The following MUC7 variants were observed in gnomAD, a reference collection of about 807,000 sequenced individuals.
MUC7 encodes mucin 7, secreted.
Under a neutral mutation model 2.5 loss-of-function variants are expected in MUC7, and 2 were observed. The ratio of observed to expected loss-of-function variants is 0.81; its 90% CI spans 0.33 to 2.55. MUC7 has a LOEUF of 2.55. MUC7 is among the 30% of genes most tolerant of loss of function. The probability of loss-of-function intolerance (pLI) is 0.11; values close to 1 mark genes in which losing one functional copy is unlikely to be tolerated. For synonymous variants in MUC7, 133 were observed against 173.4 expected (o/e 0.77, Z 1.83); for missense variants, 408 against 455.6 (o/e 0.90, Z 0.95).
intron 1 of MUC7, among the ~76,000 whole-genome samples, chr4:70,434,791 G>T (rs1332737743): frequency 6.6e-6 from 1 of 152,118 alleles, no homozygotes; most frequent in Non-Finnish European, 1.5e-5. Flanking sequence ...TCTTTTAATT[G>T]TGATGTGAGG....
intron 2 of MUC7, among the ~76,000 whole-genome samples, chr4:70,475,295 A>G (rs1734964613): frequency 6.6e-6 from 1 of 152,142 alleles, no homozygotes; most frequent in African/African-American, 2.4e-5. Context: ...AAAAAAAAGA[A>G]AGAAATGAAC....
chr4:70,481,752 G>C lies in MUC7; in HGVS notation c.1008G>C (p.Ser336=), dbSNP rs772729062. Residue 336 remains serine, a synonymous_variant, in exon 3 of 3, where the codon TCG becomes TCC. Transcript: ENST00000304887. ...SAAPTHQTTT[S]VTTQTTTTKQ... ...CACCCACACACCAGACTACTACTTCGGTCACTACTCAAACTACTACTACTA... is the reference window on the plus strand; with the variant it reads ...CACCCACACACCAGACTACTACTTCCGTCACTACTCAAACTACTACTACTA... 1 of 1,613,958 alleles carries C rather than the reference G, an allele frequency of 6.2e-7. No homozygotes were observed. The highest frequency in any genetic ancestry group is 1.7e-5 in the Admixed American group (1 of 59,990).
At chr4:70,435,242 G>A (rs991804066) in intron 1 of MUC7, among the ~76,000 whole-genome samples, 3 of 152,190 alleles carry the variant, frequency 2.0e-5, no homozygotes, top group African/African-American at 7.2e-5. Flanking sequence ...CCAGAGCTGA[G>A]TTCAAGTCCT....
intron 1 of MUC7, among the ~76,000 whole-genome samples, chr4:70,449,538 G>A (rs1218852405): frequency 1.3e-5 from 2 of 152,148 alleles, no homozygotes; most frequent in Non-Finnish European, 2.9e-5. Context: ...ATTTGGGCAA[G>A]GACACAGCCA....
intron 1 of MUC7, among the ~76,000 whole-genome samples, chr4:70,453,236 C>T (rs1431188848): frequency 6.6e-6 from 1 of 152,210 alleles, no homozygotes; most frequent in Non-Finnish European, 1.5e-5. Context: ...CCTCAGGCCC[C>T]AGGTGGGTCC....
chr4:70,481,915 G>T lies in MUC7; in HGVS notation c.*37G>T, dbSNP rs1449702887. The T allele has an allele frequency of 6.3e-7, 1 of 1,589,356 alleles. No homozygotes were observed. The highest frequency in any genetic ancestry group is 8.6e-7 in the Non-Finnish European group (1 of 1,167,938). Reference sequence around the variant, plus strand: ...TTGTAAAGTGTTCTGTCATTTACAAGATGTGATTCATGAGTGCAGAACTAC... The same window carrying T: ...TTGTAAAGTGTTCTGTCATTTACAATATGTGATTCATGAGTGCAGAACTAC... On this transcript the variant is annotated 3_prime_UTR_variant, in exon 3 of 3. Transcript: ENST00000304887.
At chr4:70,450,863 A>AGGTAAGAAGGGGTCTTACCTTACC (rs1734262027) in intron 1 of MUC7, among the ~76,000 whole-genome samples, 1 of 151,972 alleles carries the variant, frequency 6.6e-6, no homozygotes, top group Admixed American at 6.6e-5. Context: ...TCTCTCCTTA[A>AGGTAAGAAGGGGTCTTACCTTACC]ATGGTAAGAA....
At chr4:70,430,745 T>A (rs2109782459) in intron 1 of MUC7, 1 of 152,284 alleles carries the variant, frequency 6.6e-6, no homozygotes, top group Middle Eastern at 3.4e-3. Flanking sequence ...AGGTTATTTT[T>A]TTAAGCATTG....
intron 1 of MUC7, among the ~76,000 whole-genome samples, chr4:70,451,064 C>T (rs1734267784): frequency 6.6e-6 from 1 of 152,164 alleles, no homozygotes; most frequent in Admixed American, 6.5e-5. Context: ...TTCTAGTTTA[C>T]TTGGAGACAC....
At position 70,475,756 on chromosome 4, in the gene MUC7, A is replaced by C. The variant is rs552531327; in HGVS notation, c.54+1681A>C. ...TTTGACAAAATTTCAAATAAGAATC[A>C]AGAAGTGGAATGTACTTTTTTATTG... On this transcript the variant is annotated intron_variant, in intron 2 of 2. Transcript: ENST00000304887. Among the ~76,000 whole-genome samples the C allele has an allele frequency of 1.8e-4, 28 of 152,350 alleles. 1 individual carries two copies. The South Asian group carries it at 4.6e-3, about 25-fold the overall frequency.
rs548132829 is a variant in MUC7 at position 70,437,850 on chromosome 4, C to G, written c.-93+7163C>G. Among the ~76,000 whole-genome samples, 294 of 152,006 alleles carry G rather than the reference C, an allele frequency of 1.9e-3. 1 individual carries two copies. The highest frequency in any genetic ancestry group is 3.5e-3 in the Non-Finnish European group (238 of 67,980). On this transcript the variant is annotated intron_variant, in intron 1 of 3. Coordinates refer to the MUC7 transcript ENST00000413702. ...ACTGGAGCTGTTCCTATTTGGCTACCTTGGAAGTGACTCCAGGGAGCTGCT... is the reference window on the plus strand; with the variant it reads ...ACTGGAGCTGTTCCTATTTGGCTACGTTGGAAGTGACTCCAGGGAGCTGCT...
chr4:70,466,285 G>T (rs1318529725), intron 1 of MUC7, among the ~76,000 whole-genome samples: 2 of 152,152 alleles, frequency 1.3e-5, no homozygotes, highest in South Asian at 2.1e-4. Context: ...GGAATAACCA[G>T]TACCAGCCAC....
In MUC7 at chr4:70,473,532, G is replaced by A. The variant is rs573555962; in HGVS notation, c.-15-475G>A. ...TTGGAGGAAGAGTCCATTTGACCTGGTTCTTTGTTCCAAGTGACAGCCTTA... is the reference window on the plus strand; with the variant it reads ...TTGGAGGAAGAGTCCATTTGACCTGATTCTTTGTTCCAAGTGACAGCCTTA... On this transcript the variant is annotated intron_variant, in intron 1 of 2. Coordinates refer to ENST00000304887, the MANE Select transcript of MUC7 (RefSeq NM_152291.3). Among the ~76,000 whole-genome samples, 9 of 152,210 alleles carry A rather than the reference G, an allele frequency of 5.9e-5. No individual in the cohort carries two copies. The South Asian group carries it at 1.9e-3, about 32-fold the overall frequency.
At chr4:70,452,109 T>TATA (rs1577904021) in intron 1 of MUC7, among the ~76,000 whole-genome samples, 1 of 152,214 alleles carries the variant, frequency 6.6e-6, no homozygotes. Context: ...ATAGAATATA[T>TATA]ATTTTCATTC....
chr4:70,450,230 T>G (rs1197477923), intron 1 of MUC7, among the ~76,000 whole-genome samples: 3 of 152,194 alleles, frequency 2.0e-5, no homozygotes, highest in Non-Finnish European at 4.4e-5. Flanking sequence ...CCATAGCCAC[T>G]GCCACCCCAG....
chr4:70,480,835 C>A lies in MUC7; in HGVS notation c.91C>A (p.His31Asn). 2 of 1,614,018 alleles carry A rather than the reference C, an allele frequency of 1.2e-6. No homozygotes were observed. Among genetic ancestry groups the A allele is most frequent in the Non-Finnish European group, 1.7e-6 (2 of 1,179,914 alleles). The stretch of plus-strand genomic sequence containing the variant: ...TCGAGAAAGGGATCATGAACTACGT[C>A]ACAGAAGGCATCATCACCAATCACC... ...EGRERDHELR[H>N]RRHHHQSPKS... The change falls in exon 3 of 3, where the codon CAC (histidine) becomes AAC (asparagine). Residue 31 changes from histidine to asparagine, a missense_variant. By Grantham distance (68) the His-to-Asn change is moderately conservative (BLOSUM62 1). Coordinates refer to ENST00000304887, the MANE Select transcript of MUC7 (RefSeq NM_152291.3).
At chr4:70,438,705 G>A (rs191373600) in intron 1 of MUC7, among the ~76,000 whole-genome samples, 183 of 152,010 alleles carry the variant, frequency 1.2e-3, no homozygotes, top group African/African-American at 3.8e-3. Flanking sequence ...TAATCCACCC[G>A]CCTCCACCTC....
At chr4:70,472,950 T>C (rs567930717) in intron 1 of MUC7, among the ~76,000 whole-genome samples, 1 of 152,322 alleles carries the variant, frequency 6.6e-6, no homozygotes, top group South Asian at 2.1e-4. Context: ...ACACATTACA[T>C]ATATAACCAA....
At chr4:70,464,994 G>A (rs1314631964) in intron 1 of MUC7, among the ~76,000 whole-genome samples, 1 of 152,140 alleles carries the variant, frequency 6.6e-6, no homozygotes, top group Non-Finnish European at 1.5e-5. Context: ...CCTCATTTAG[G>A]AGAGTTCCGG....
Sources: gnomAD v4.1 joint callset for allele counts (sites outside exome capture counted in the v4.1 genomes callset) on GRCh38, gnomAD v4.1.1 for gene constraint, MANE v1.5 for transcripts, NCBI Gene and HGNC (gene_info 2026-07-23, HGNC 2026-07-21) for gene names.